The following CADPS variants were observed in gnomAD, a reference collection of about 807,000 sequenced individuals.
The protein encoded by CADPS is calcium dependent secretion activator.
A neutral mutation model predicts 167.3 loss-of-function variants in CADPS; 57 were observed. That is an observed-to-expected ratio of 0.34 (90% confidence interval 0.28 to 0.42). The LOEUF (loss-of-function observed/expected upper bound fraction) is 0.42. CADPS is among the 20% of genes least tolerant of loss of function. The pLI is 1.00. For missense variants in CADPS, 1,414 were observed against 1,738.1 expected (o/e 0.81, Z 3.32); for synonymous variants, 676 against 635.3 (o/e 1.06, Z -0.96).
chr3:62,513,960 A>C lies in CADPS; in HGVS notation c.2582-1192T>G, dbSNP rs377575989. On this transcript the variant is annotated intron_variant, in intron 16 of 29. Transcript: ENST00000383710. ...TCTTTAGAGCTGTTTGCAAGAATACAATGACCAAAACATCATGAGTAAAGG... is the reference window on the plus strand; with the variant it reads ...TCTTTAGAGCTGTTTGCAAGAATACCATGACCAAAACATCATGAGTAAAGG... Among the ~76,000 whole-genome samples, 4 of 152,156 alleles carry C rather than the reference A, an allele frequency of 2.6e-5. No homozygotes were observed. In the East Asian group the frequency reaches 7.8e-4, roughly 30 times the overall value.
At chr3:62,713,937 A>G (rs550141237) in intron 3 of CADPS, among the ~76,000 whole-genome samples, 1 of 152,088 alleles carries the variant, frequency 6.6e-6, no homozygotes, top group Admixed American at 6.5e-5. Context: ...TCTGAACCTC[A>G]TATGCAGCTT....
chr3:62,585,435 A>G, intron 7 of CADPS, 111 bp from the exon 8 acceptor site: 1 of 1,095,612 alleles, frequency 9.1e-7, no homozygotes, highest in Non-Finnish European at 1.3e-6. Context: ...CCCACTGTGG[A>G]GCAGCCATAC....
intron 1 of CADPS, among the ~76,000 whole-genome samples, chr3:62,836,270 C>T (rs2075875269): frequency 6.6e-6 from 1 of 152,196 alleles, no homozygotes; most frequent in East Asian, 1.9e-4. Flanking sequence ...TAATCCAGAC[C>T]CAAATAAACA....
chr3:62,634,321 C>T (rs919129860), intron 6 of CADPS, among the ~76,000 whole-genome samples: 1 of 152,086 alleles, frequency 6.6e-6, no homozygotes, highest in East Asian at 1.9e-4. Context: ...TATTTATCTT[C>T]TTAGTCATTT....
At chr3:62,788,532 C>T (rs868292597) in intron 1 of CADPS, among the ~76,000 whole-genome samples, 12 of 152,042 alleles carry the variant, frequency 7.9e-5, no homozygotes, top group South Asian at 2.1e-4. Context: ...GTTTTGAAGA[C>T]GTATCAGAAT....
intron 6 of CADPS, among the ~76,000 whole-genome samples, chr3:62,597,064 C>G (rs909112805): frequency 6.6e-6 from 1 of 152,200 alleles, no homozygotes; most frequent in South Asian, 2.1e-4. Flanking sequence ...CTATTAATCT[C>G]TTTGCATGGC....
Position 62,465,537 on chromosome 3 carries a change from C to T in CADPS, c.3553-87G>A, listed in dbSNP as rs979778520. Reference sequence around the variant, plus strand: ...ACATCATTTCCCCACCACATAAAGGCTGGGATCGAGCCCTCCGTTCATTTC... The same window carrying T: ...ACATCATTTCCCCACCACATAAAGGTTGGGATCGAGCCCTCCGTTCATTTC... On this transcript the variant is annotated intron_variant, in intron 25 of 29. Transcript: ENST00000383710. The surrounding 1 kb of genome is among the most constrained non-coding windows in gnomAD (Gnocchi z 4.1). 6.8e-6 allele frequency: 6 copies of T among 888,736 alleles called. No homozygotes were observed. Among genetic ancestry groups the T allele is most frequent in the Non-Finnish European group, 1.0e-5 (6 of 572,142 alleles). 55.1% of individuals were successfully genotyped at this position (888,736 alleles called of 1,614,324 possible).
intron 21 of CADPS, among the ~76,000 whole-genome samples, chr3:62,489,455 C>T (rs770049238): frequency 1.3e-5 from 2 of 152,204 alleles, no homozygotes; most frequent in African/African-American, 2.4e-5. Flanking sequence ...CCGCCGCACC[C>T]GGCCGTGTTT....
chr3:62,698,973 T>G (rs1458409335), intron 3 of CADPS, among the ~76,000 whole-genome samples: 2 of 151,936 alleles, frequency 1.3e-5, no homozygotes, highest in African/African-American at 4.8e-5. Context: ...ACTTTATTTT[T>G]ACTTCAGTAG....
At chr3:62,471,455 T>C (rs2060606366) in intron 24 of CADPS, among the ~76,000 whole-genome samples, 1 of 152,158 alleles carries the variant, frequency 6.6e-6, no homozygotes, top group Admixed American at 6.5e-5. Flanking sequence ...ATACCTTTTT[T>C]TATATTCTCA....
At chr3:62,846,883 T>C (rs1391381854) in intron 1 of CADPS, among the ~76,000 whole-genome samples, 2 of 152,114 alleles carry the variant, frequency 1.3e-5, no homozygotes, top group South Asian at 2.1e-4. Context: ...GGTCAGGCTA[T>C]TCTCAAACTC....
chr3:62,445,720 A>AC (rs746686991), intron 27 of CADPS, 45 bp downstream of exon 27: 10 of 1,389,812 alleles, frequency 7.2e-6, no homozygotes, highest in African/African-American at 6.0e-5. Context: ...ATGAAAAAAA[A>AC]AAAAAACAAA....
intron 6 of CADPS, among the ~76,000 whole-genome samples, chr3:62,645,220 C>T (rs952136619): frequency 4.6e-5 from 7 of 151,692 alleles, no homozygotes; most frequent in Admixed American, 1.3e-4. Flanking sequence ...AAGGGGGTAA[C>T]GGATAACAGA....
intron 3 of CADPS, among the ~76,000 whole-genome samples, chr3:62,737,798 G>A (rs111503365): frequency 4.6e-5 from 7 of 152,196 alleles, no homozygotes; most frequent in African/African-American, 1.4e-4. Flanking sequence ...ATCTTCCCCA[G>A]GCTGTTCCTT....
At chr3:62,650,706 A>C in intron 5 of CADPS, 141 bp downstream of exon 5, 1 of 614,974 alleles carries the variant, frequency 1.6e-6, no homozygotes, top group Non-Finnish European at 2.9e-6. Context: ...CTTGCTGATT[A>C]GCTGACCTAA....
chr3:62,467,979 T>A (rs1202014918), intron 24 of CADPS, among the ~76,000 whole-genome samples: 1 of 152,146 alleles, frequency 6.6e-6, no homozygotes, highest in Non-Finnish European at 1.5e-5. Context: ...AGTCATCTCC[T>A]CCAGTTTCAT....
chr3:62,619,265 T>C (rs1347202703), intron 6 of CADPS, among the ~76,000 whole-genome samples: 3 of 152,190 alleles, frequency 2.0e-5, no homozygotes, highest in African/African-American at 7.2e-5. Context: ...ATATCTAGTG[T>C]CTTAGTTCAG....
chr3:62,638,939 G>T (rs1470612417), intron 6 of CADPS, among the ~76,000 whole-genome samples: 1 of 152,124 alleles, frequency 6.6e-6, no homozygotes, highest in African/African-American at 2.4e-5. Flanking sequence ...GATGGAGCTT[G>T]GAGAAGAATT....
intron 1 of CADPS, among the ~76,000 whole-genome samples, chr3:62,767,949 C>T (rs913632759): frequency 6.6e-6 from 1 of 152,082 alleles, no homozygotes; most frequent in Non-Finnish European, 1.5e-5. Flanking sequence ...GTGTAGTTTA[C>T]CCGTACAACA....
Sources: gnomAD v4.1 joint callset for allele counts (sites outside exome capture counted in the v4.1 genomes callset) on GRCh38, gnomAD v4.1.1 for gene constraint, Gnocchi (gnomAD v3.1) non-coding constraint, MANE v1.5 for transcripts, NCBI Gene and HGNC (gene_info 2026-07-23, HGNC 2026-07-21) for gene names.